Variants in ZNF727 observed in about 807,000 individuals in gnomAD.
ZNF727 encodes the protein putative zinc finger protein 727.
Under a neutral mutation model 11.5 loss-of-function variants are expected in ZNF727, and 11 were observed. The ratio of observed to expected loss-of-function variants is 0.95; its 90% CI spans 0.60 to 1.58. ZNF727 has a LOEUF of 1.58. Ranked by LOEUF, ZNF727 falls within the 40% of genes most tolerant of loss-of-function variation. The pLI, the probability that ZNF727 is intolerant of heterozygous loss-of-function variation, is 0.00. For synonymous variants in ZNF727, 171 were observed against 196.1 expected (o/e 0.87, Z 1.07); for missense variants, 533 against 581.7 (o/e 0.92, Z 0.86).
chr7:64,062,044 T>C (rs979588067), intron 1 of ZNF727, among the ~76,000 whole-genome samples: 9 of 21,456 alleles, frequency 4.2e-4, no homozygotes, highest in Admixed American at 1.0e-3. Flanking sequence ...TTTCTATTTA[T>C]ATCTTATTAT....
intron 1 of ZNF727, among the ~76,000 whole-genome samples, chr7:64,068,528 G>A (rs1789906861): frequency 6.6e-6 from 1 of 152,102 alleles, no homozygotes; most frequent in Non-Finnish European, 1.5e-5. Context: ...TTATTGCTAT[G>A]CACAATAAGA....
In ZNF727 at chr7:64,084,014, A is replaced by G. The variant is rs1785835298; in HGVS notation, c.*5465A>G. On this transcript the variant is annotated 3_prime_UTR_variant, in exon 4 of 4. Coordinates refer to ENST00000456806, the MANE Select transcript of ZNF727 (RefSeq NM_001159522.3). The stretch of plus-strand genomic sequence containing the variant: ...TGTCTTCATTCTAGAATTTATGTGA[A>G]AGAACATGGTCAATGGTTGCTGCAC... Among the ~76,000 whole-genome samples, 1 of 152,176 alleles carries G rather than the reference A, an allele frequency of 6.6e-6. No homozygotes were observed. The highest frequency in any genetic ancestry group is 2.4e-5 in the African/African-American group (1 of 41,432).
rs1173331245 is a variant in ZNF727, at chr7:64,077,165, GTATTT to G, written c.227-106_227-102del. 10 of 1,072,788 alleles carry G rather than the reference GTATTT, an allele frequency of 9.3e-6. No homozygotes were observed. In the African/African-American group the frequency reaches 1.4e-4, roughly 16 times the overall value. The allele number at this position is 1,072,788 out of a possible 1,614,324, so 66.5% of individuals were successfully genotyped here. A position where few individuals can be genotyped will look rare whatever the true frequency, so the allele number is the denominator to read the frequency against. ...GTCTATAAAGGAAGTAGAGCCTGTG[GTATTT>G]TATTATGTCACCTTGTTAATGTGCT... On this transcript the variant is annotated intron_variant, in intron 3 of 3. Coordinates refer to ENST00000456806, the MANE Select transcript of ZNF727 (RefSeq NM_001159522.3).
Position 64,078,879 on chromosome 7 carries a change from T to C in ZNF727, c.*330T>C, listed in dbSNP as rs1785738352. 6.6e-6 allele frequency among the ~76,000 whole-genome samples: 1 copy of C among 151,786 alleles called. No individual in the cohort carries two copies. Among genetic ancestry groups the C allele is most frequent in the African/African-American group, 2.4e-5 (1 of 41,274 alleles). On this transcript the variant is annotated 3_prime_UTR_variant, in exon 4 of 4. Coordinates refer to ENST00000456806, the MANE Select transcript of ZNF727 (RefSeq NM_001159522.3). ...TTCTGAGACCTTGCTAAACATAAGA[T>C]AATTCATATTGGAGAGAAACCCTAC... is the stretch of plus-strand genomic sequence containing the variant.
chr7:64,050,765 T>C (rs1033523156), intron 1 of ZNF727, among the ~76,000 whole-genome samples: 32 of 136,540 alleles, frequency 2.3e-4, no homozygotes, highest in African/African-American at 8.4e-4. Context: ...TGTGTGTATG[T>C]ATGCATATGT....
At chr7:64,077,196 T>G in intron 3 of ZNF727, 80 bp from the exon 4 acceptor site, 1 of 1,305,974 alleles carries the variant, frequency 7.7e-7, no homozygotes, top group Non-Finnish European at 1.0e-6. Flanking sequence ...TTAATGTGCT[T>G]TGTATAATTA....
chr7:64,063,837 A>T (rs1312130263), intron 1 of ZNF727, among the ~76,000 whole-genome samples: 1 of 152,106 alleles, frequency 6.6e-6, no homozygotes, highest in East Asian at 1.9e-4. Context: ...CACCGAAGCC[A>T]TGAGACAATA....
chr7:64,052,213 AC>A (rs951443153), intron 1 of ZNF727, among the ~76,000 whole-genome samples: 18 of 152,118 alleles, frequency 1.2e-4, no homozygotes, highest in African/African-American at 3.1e-4. Flanking sequence ...GCTTATGTTT[AC>A]CTTCCAGCTT....
chr7:64,054,628 T>C (rs1234011712), intron 1 of ZNF727, among the ~76,000 whole-genome samples: 1 of 152,238 alleles, frequency 6.6e-6, no homozygotes, highest in East Asian at 1.9e-4. Flanking sequence ...GTTTCCAGGC[T>C]TCAAAGTTAA....
intron 1 of ZNF727, among the ~76,000 whole-genome samples, chr7:64,045,940 T>TA (rs1789497397): frequency 1.3e-5 from 2 of 152,250 alleles, no homozygotes; most frequent in South Asian, 2.1e-4. Context: ...ATTCAGGGTC[T>TA]GGAGTTCCTC....
chr7:64,068,875 A>G lies in ZNF727; in HGVS notation c.4-16A>G. On this transcript the variant is annotated splice_polypyrimidine_tract_variant and intron_variant, in intron 1 of 3. Coordinates refer to ENST00000456806, the MANE Select transcript of ZNF727 (RefSeq NM_001159522.3). ...TTATTTCTTTGGTCACTTGGTAAAT[A>G]TGTTTTGTTTTTCAGCGAGTGCTAA... 6.4e-7 allele frequency: 1 copy of G among 1,573,170 alleles called. No individual in the cohort carries two copies. Among genetic ancestry groups the G allele is most frequent in the Non-Finnish European group, 8.6e-7 (1 of 1,158,580 alleles).
chr7:64,069,478 T>C (rs1196544202), intron 2 of ZNF727, 36 bp from the exon 3 acceptor site: 1 of 1,476,660 alleles, frequency 6.8e-7, no homozygotes. Context: ...CAGATTATCC[T>C]AGCAAGAGTC....
chr7:64,055,862 GATAT>G (rs1789677659), intron 1 of ZNF727, among the ~76,000 whole-genome samples: 1 of 151,830 alleles, frequency 6.6e-6, no homozygotes, highest in Admixed American at 6.6e-5. Flanking sequence ...AATTCTTTTG[GATAT>G]ATATTTAGTA....
intron 1 of ZNF727, among the ~76,000 whole-genome samples, chr7:64,062,684 G>GT (rs1418982445): frequency 7.0e-5 from 2 of 28,508 alleles, no homozygotes; most frequent in Non-Finnish European, 2.0e-4. Context: ...TCTTGTACTT[G>GT]AATATATATA....
intron 1 of ZNF727, among the ~76,000 whole-genome samples, chr7:64,065,297 C>T (rs909021064): frequency 1.1e-4 from 17 of 152,130 alleles, no homozygotes; most frequent in Non-Finnish European, 1.5e-4. Flanking sequence ...CAGGTCACTG[C>T]GGCCCATATT....
chr7:64,056,039 C>T (rs1789681228), intron 1 of ZNF727, among the ~76,000 whole-genome samples: 1 of 152,036 alleles, frequency 6.6e-6, no homozygotes, highest in Non-Finnish European at 1.5e-5. Context: ...CTCTTTACAC[C>T]ACTTGCTCTT....
intron 1 of ZNF727, among the ~76,000 whole-genome samples, chr7:64,057,055 G>A (rs1379336333): frequency 1.3e-5 from 2 of 151,542 alleles, no homozygotes; most frequent in Non-Finnish European, 2.9e-5. Context: ...CATATTATGA[G>A]CACTCATTTG....
At position 64,063,002 on chromosome 7, in the gene ZNF727, C is replaced by T. The variant is rs558496810; in HGVS notation, c.4-5889C>T. The stretch of plus-strand genomic sequence containing the variant: ...TTATTAAGTTTATTGGATCAGATTC[C>T]GAATTTCTTATTTTTTTTGTTGTTA... On this transcript the variant is annotated intron_variant, in intron 1 of 3. Transcript: ENST00000456806. Among the ~76,000 whole-genome samples, 13 of 151,268 alleles carry T rather than the reference C, an allele frequency of 8.6e-5. No homozygotes were observed. The South Asian group carries it at 1.5e-3, about 17-fold the overall frequency.
In ZNF727 at chr7:64,069,631, A is replaced by G. The variant is rs1351668455; in HGVS notation, c.226+22A>G. The G allele has an allele frequency of 2.9e-5, 44 of 1,508,968 alleles. No homozygotes were observed. The Middle Eastern group carries it at 6.8e-4, about 23-fold the overall frequency. The allele number at this position is 1,508,968 out of a possible 1,614,324, so 93.5% of individuals were successfully genotyped here. On this transcript the variant is annotated intron_variant, in intron 3 of 3. Transcript: ENST00000456806. Reference sequence around the variant, plus strand: ...CCAGGTAGGTGGGAGTGAGTGAAGCAAATGACATAAATGACGGTTCCCAAT... The same window carrying G: ...CCAGGTAGGTGGGAGTGAGTGAAGCGAATGACATAAATGACGGTTCCCAAT...
Sources: allele counts gnomAD v4.1 joint callset (sites outside exome capture counted in the v4.1 genomes callset), GRCh38; gene constraint gnomAD v4.1.1; transcripts MANE v1.5; gene names NCBI Gene and HGNC (gene_info 2026-07-23, HGNC 2026-07-21).